Variants in GRM5 observed in about 807,000 individuals in gnomAD.
GRM5 encodes the protein metabotropic glutamate receptor 5.
Under a neutral mutation model 83.1 loss-of-function variants are expected in GRM5, and 19 were observed. The observed-to-expected ratio is 0.23, with a 90% CI of 0.16 to 0.34. The LOEUF (loss-of-function observed/expected upper bound fraction) is 0.34. Ranked by LOEUF, GRM5 falls within the 10% of genes least tolerant of loss-of-function variation. The probability of loss-of-function intolerance (pLI) is 1.00; values close to 1 mark genes in which losing one functional copy is unlikely to be tolerated. For missense variants in GRM5, 1,160 were observed against 1,588.3 expected, an observed-to-expected ratio of 0.73 and a Z score of 4.58; for synonymous variants, 675 against 633.6, an observed-to-expected ratio of 1.07 and a Z score of -0.98.
chr11:89,037,132 G>GCCTT (rs1270680713), intron 2 of GRM5, among the ~76,000 whole-genome samples: 2 of 152,166 alleles, frequency 1.3e-5, no homozygotes, highest in East Asian at 3.9e-4. Context: ...TGGCACAAAT[G>GCCTT]CCTTATATTT....
intron 3 of GRM5, among the ~76,000 whole-genome samples, chr11:88,723,100 A>C (rs190930679): frequency 6.6e-6 from 1 of 151,994 alleles, no homozygotes; most frequent in East Asian, 1.9e-4. Flanking sequence ...CTTTATTCAG[A>C]ATGTCATATA....
At chr11:88,702,760 A>T (rs1941064329) in intron 3 of GRM5, among the ~76,000 whole-genome samples, 1 of 152,068 alleles carries the variant, frequency 6.6e-6, no homozygotes, top group East Asian at 1.9e-4. Flanking sequence ...GTGTGGTCAT[A>T]ATCCAATGTA....
At chr11:89,010,904 A>G (rs911330394) in intron 2 of GRM5, among the ~76,000 whole-genome samples, 1 of 152,214 alleles carries the variant, frequency 6.6e-6, no homozygotes, top group Non-Finnish European at 1.5e-5. Flanking sequence ...TGAGAAAATG[A>G]GAAGCCTTAG....
intron 2 of GRM5, among the ~76,000 whole-genome samples, chr11:88,850,374 T>C (rs531798681): frequency 4.9e-4 from 74 of 152,318 alleles, no homozygotes; most frequent in South Asian, 3.9e-3. Context: ...ATATTTTCAC[T>C]GTGATGGAGA....
intron 2 of GRM5, among the ~76,000 whole-genome samples, chr11:88,986,614 A>T (rs1477639770): frequency 6.6e-6 from 1 of 150,534 alleles, no homozygotes; most frequent in Non-Finnish European, 1.5e-5. Flanking sequence ...CTTCCTAGAT[A>T]TGTGGTTTGC....
At chr11:88,510,571 C>T (rs528312182) in intron 9 of GRM5, among the ~76,000 whole-genome samples, 1 of 152,302 alleles carries the variant, frequency 6.6e-6, no homozygotes, top group Admixed American at 6.5e-5. Flanking sequence ...GGCTGAAGTG[C>T]AGTGGCGCCA....
At chr11:88,515,800 A>G (rs1332013279) in intron 9 of GRM5, among the ~76,000 whole-genome samples, 1 of 152,236 alleles carries the variant, frequency 6.6e-6, no homozygotes, top group Non-Finnish European at 1.5e-5. Context: ...AAAGCCAGAC[A>G]TAGCTGTTTT....
intron 2 of GRM5, among the ~76,000 whole-genome samples, chr11:88,897,801 C>G (rs1169314343): frequency 1.3e-5 from 2 of 151,882 alleles, no homozygotes; most frequent in African/African-American, 4.8e-5. Context: ...CTTTCCTTTC[C>G]CTTCCACCTT....
rs542697050 is a variant in GRM5, at chr11:88,884,138, G to T, written c.662-33983C>A. On this transcript the variant is annotated intron_variant, in intron 2 of 9. Transcript: ENST00000305447. The stretch of plus-strand genomic sequence containing the variant: ...GCACTGTATGCCTGGAAAAGCCACA[G>T]ATACTCAATGCCAGCTCATGACAAG... Among the ~76,000 whole-genome samples, 5 of 152,228 alleles carry T rather than the reference G, an allele frequency of 3.3e-5. No individual in the cohort carries two copies. In the South Asian group the frequency reaches 1.0e-3, roughly 32 times the overall value.
chr11:88,966,905 T>G (rs1445671658), intron 2 of GRM5, among the ~76,000 whole-genome samples: 1 of 152,134 alleles, frequency 6.6e-6, no homozygotes, highest in Non-Finnish European at 1.5e-5. Flanking sequence ...AAGCATAATC[T>G]TTAGCAGTGT....
At chr11:88,778,118 A>T (rs1000751360) in intron 3 of GRM5, among the ~76,000 whole-genome samples, 2 of 150,722 alleles carry the variant, frequency 1.3e-5, no homozygotes, top group African/African-American at 4.9e-5. Context: ...GCCCATTTGG[A>T]GCTTCCTTGG....
intron 8 of GRM5, among the ~76,000 whole-genome samples, chr11:88,561,235 G>T (rs1055849598): frequency 6.6e-6 from 1 of 152,154 alleles, no homozygotes; most frequent in African/African-American, 2.4e-5. Context: ...GGGGAGACCA[G>T]CAGTTGCTTT....
chr11:88,723,678 A>T (rs960022771), intron 3 of GRM5, among the ~76,000 whole-genome samples: 1 of 151,960 alleles, frequency 6.6e-6, no homozygotes, highest in East Asian at 1.9e-4. Context: ...CCTTCCCCTT[A>T]TCATTGAGGT....
At chr11:88,836,638 T>A (rs1257924232) in intron 3 of GRM5, among the ~76,000 whole-genome samples, 1 of 151,878 alleles carries the variant, frequency 6.6e-6, no homozygotes, top group Non-Finnish European at 1.5e-5. Flanking sequence ...ATAAAAAATA[T>A]ACAAAAATTA....
At chr11:88,568,058 G>A (rs1591354515) in intron 7 of GRM5, 66 bp from the exon 8 acceptor site, 1 of 980,592 alleles carries the variant, frequency 1.0e-6, no homozygotes, top group East Asian at 2.6e-5. Context: ...ATATCCCTAA[G>A]TTACAAGCAG....
chr11:88,946,472 T>C (rs1590987038), intron 2 of GRM5, among the ~76,000 whole-genome samples: 2 of 152,092 alleles, frequency 1.3e-5, no homozygotes, highest in Non-Finnish European at 2.9e-5. Flanking sequence ...AGCAAAGATA[T>C]AGAATCAATC....
intron 3 of GRM5, among the ~76,000 whole-genome samples, chr11:88,801,993 T>C (rs1359907643): frequency 6.6e-6 from 1 of 152,110 alleles, no homozygotes; most frequent in African/African-American, 2.4e-5. Context: ...ACCCCTTCTC[T>C]GCACCAAGCA....
rs143856231 is a variant in GRM5, at chr11:89,016,972, A to C, written c.661+30240T>G. Among the ~76,000 whole-genome samples, 10 of 152,280 alleles carry C rather than the reference A, an allele frequency of 6.6e-5. 1 individual carries two copies. Among genetic ancestry groups the C allele is most frequent in the Admixed American group, 1.3e-4 (2 of 15,290 alleles). ...AGAAAAGCTATACATTTTAACTACC[A>C]AATACAGGTAGCAAGGCTAGCACTA... On this transcript the variant is annotated intron_variant, in intron 2 of 9. Coordinates refer to ENST00000305447, the MANE Select transcript of GRM5 (RefSeq NM_001143831.3).
chr11:88,991,958 G>T (rs2135049463), intron 2 of GRM5, among the ~76,000 whole-genome samples: 1 of 152,246 alleles, frequency 6.6e-6, no homozygotes, highest in Admixed American at 6.5e-5. Context: ...CATGGGCAAG[G>T]ACTTCATGTC....
Sources: allele counts gnomAD v4.1 joint callset (sites outside exome capture counted in the v4.1 genomes callset), GRCh38; gene constraint gnomAD v4.1.1; transcripts MANE v1.5; gene names NCBI Gene and HGNC (gene_info 2026-07-23, HGNC 2026-07-21).